The following TBC1D21 variants were observed in gnomAD, a reference collection of about 807,000 sequenced individuals.
TBC1D21 encodes the protein TBC1 domain family member 21.
In TBC1D21, 38 loss-of-function variants were observed where a neutral mutation model predicts 46.0. The observed-to-expected ratio is 0.83, with a 90% CI of 0.64 to 1.08. The LOEUF is 1.08. Among genes scored for constraint, TBC1D21 ranks in the 50% least tolerant of loss-of-function variants. The pLI is 0.00. For missense variants in TBC1D21, 415 were observed against 417.9 expected (o/e 0.99, Z 0.06); for synonymous variants, 151 against 157.2 (o/e 0.96, Z 0.29).
intron 1 of TBC1D21, 111 bp downstream of exon 1, chr15:73,873,880 G>A: frequency 7.1e-6 from 9 of 1,259,672 alleles, no homozygotes; most frequent in Non-Finnish European, 1.0e-5. Flanking sequence ...TAACATAGAA[G>A]GTGGAGCAAG....
the TBC1D21 span, among the ~76,000 whole-genome samples, chr15:73,907,352 TG>T: frequency 6.6e-6 from 1 of 152,184 alleles, no homozygotes; most frequent in East Asian, 1.9e-4. Flanking sequence ...TCATCTTTGG[TG>T]GGGTCTGCAT....
chr15:73,889,755 T>C (rs1244660501), downstream of TBC1D21, among the ~76,000 whole-genome samples: 1 of 152,246 alleles, frequency 6.6e-6, no homozygotes, highest in African/African-American at 2.4e-5. Context: ...TACATTTTAT[T>C]TTCCAGTCTT....
chr15:73,892,953 T>TTA (rs2068349150), downstream of TBC1D21, among the ~76,000 whole-genome samples: 2 of 152,260 alleles, frequency 1.3e-5, no homozygotes, highest in African/African-American at 4.8e-5. Context: ...GTGAAGCTAA[T>TTA]TATATGGCGG....
At chr15:73,898,317 G>T in the TBC1D21 span, among the ~76,000 whole-genome samples, 1 of 152,228 alleles carries the variant, frequency 6.6e-6, no homozygotes, top group Non-Finnish European at 1.5e-5. Flanking sequence ...TCAGGGCTGT[G>T]TGGGGCTGGA....
At chr15:73,899,816 G>A in the TBC1D21 span, among the ~76,000 whole-genome samples, 1 of 152,204 alleles carries the variant, frequency 6.6e-6, no homozygotes, top group African/African-American at 2.4e-5. Flanking sequence ...AGGGAAAGAT[G>A]AATGGGAAAG....
chr15:73,876,225 T>TTTTTTTTTTTTTTTTTTTTG, intron 1 of TBC1D21, among the ~76,000 whole-genome samples: 1 of 59,006 alleles, frequency 1.7e-5, no homozygotes, highest in Non-Finnish European at 3.1e-5. Flanking sequence ...TTTTTTTTTT[T>TTTTTTTTTTTTTTTTTTTTG]TTTTTTTTTT....
the TBC1D21 span, among the ~76,000 whole-genome samples, chr15:73,898,880 A>AAAAATATATATATATATATATAT: frequency 1.0e-3 from 58 of 56,718 alleles, no homozygotes; most frequent in Non-Finnish European, 1.8e-3. Flanking sequence ...AAAAAAAAAA[A>AAAAATATATATATATATATATAT]ATATATATAT....
At chr15:73,884,108 AG>A in intron 3 of TBC1D21, 42 bp from the exon 4 acceptor site, 1 of 1,413,376 alleles carries the variant, frequency 7.1e-7, no homozygotes, top group Non-Finnish European at 9.4e-7. Flanking sequence ...ACTTATCAGA[AG>A]GGGAAAAGCC....
At chr15:73,876,213 T>TG (rs1567062304) in intron 1 of TBC1D21, among the ~76,000 whole-genome samples, 1,363 of 41,976 alleles carry the variant, frequency 0.032, 76 homozygotes, top group African/African-American at 0.16. Context: ...TTTTTTTTTT[T>TG]TTTTTTTTTT....
chr15:73,899,916 C>A, the TBC1D21 span, among the ~76,000 whole-genome samples: 1 of 152,196 alleles, frequency 6.6e-6, no homozygotes, highest in East Asian at 1.9e-4. Flanking sequence ...GGATGCGGGC[C>A]TCTGTGCCAG....
chr15:73,883,173 A>G (rs1352755271), intron 3 of TBC1D21, among the ~76,000 whole-genome samples: 1 of 152,250 alleles, frequency 6.6e-6, no homozygotes. Flanking sequence ...GAGCATCCAG[A>G]CAGAATGTGG....
At position 73,886,516 on chromosome 15, in the gene TBC1D21, G is replaced by A; in HGVS notation, c.681G>A (p.Gly227=). 1 of 1,613,708 alleles carries A rather than the reference G, an allele frequency of 6.2e-7. No individual in the cohort carries two copies. The highest frequency in any genetic ancestry group is 1.3e-5 in the African/African-American group (1 of 75,044). The change falls in exon 8 of 11, where the codon GGG becomes GGA. Residue 227 remains glycine (G), a synonymous_variant. Coordinates refer to ENST00000300504, the MANE Select transcript of TBC1D21 (RefSeq NM_153356.3). The part of the protein sequence containing the change: ...LDPVFAEHLK[G]KGAGAVQSLF... ...CCTCACCTTCTCTCCCCACAGAAGG[G>A]AAGGGTGCAGGGGCTGTGCAGTCCC...
downstream of TBC1D21, chr15:73,889,364 T>C: frequency 2.0e-6 from 1 of 501,184 alleles, no homozygotes; most frequent in African/African-American, 1.9e-5. Context: ...ACTGGGTCAG[T>C]GGCTCCTCCT....
chr15:73,903,934 G>A, the TBC1D21 span, among the ~76,000 whole-genome samples: 35 of 152,314 alleles, frequency 2.3e-4, no homozygotes, highest in African/African-American at 8.4e-4. Flanking sequence ...TGTAGTCCTA[G>A]CTACACAAGA....
chr15:73,877,650 G>T (rs965524112), intron 1 of TBC1D21, among the ~76,000 whole-genome samples: 2 of 151,548 alleles, frequency 1.3e-5, no homozygotes, highest in Non-Finnish European at 1.5e-5. Flanking sequence ...TTGTGAACAT[G>T]GATGCAAAAA....
rs5813727 is a variant in TBC1D21 at position 73,879,874 on chromosome 15, C to CTGT, written c.61-1496_61-1494dup. 7.0e-3 allele frequency among the ~76,000 whole-genome samples: 1,046 copies of CTGT among 149,892 alleles called. 13 individuals carry two copies. The highest frequency in any genetic ancestry group is 0.023 in the East Asian group (117 of 5,054). On this transcript the variant is annotated intron_variant, in intron 1 of 10. Transcript: ENST00000300504. The stretch of plus-strand genomic sequence containing the variant: ...CTTATTCCAACAGGAACCCTCACTC[C>CTGT]TGTTGTTGTTGTTGTTGTTGTTGTT...
At position 73,873,575 on chromosome 15, in the gene TBC1D21, C is replaced by T. The variant is rs1448051432; in HGVS notation, c.-135C>T. 1.2e-5 allele frequency: 10 copies of T among 862,052 alleles called. No homozygotes were observed. The highest frequency in any genetic ancestry group is 1.3e-5 in the Non-Finnish European group (7 of 544,600). 53.4% of individuals were successfully genotyped at this position (862,052 alleles called of 1,614,324 possible). On this transcript the variant is annotated 5_prime_UTR_variant, in exon 1 of 11. Transcript: ENST00000300504. ...AGGGGACTTGTGACACACTGCTGGCCGGCTCTGTTCAAGTGTGGGAGGTCA... is the reference window on the plus strand; with the variant it reads ...AGGGGACTTGTGACACACTGCTGGCTGGCTCTGTTCAAGTGTGGGAGGTCA...
the TBC1D21 span, among the ~76,000 whole-genome samples, chr15:73,899,287 C>T: frequency 6.6e-6 from 1 of 152,172 alleles, no homozygotes; most frequent in African/African-American, 2.4e-5. Flanking sequence ...CAGCTGGATG[C>T]ACCCTCAATT....
intron 1 of TBC1D21, among the ~76,000 whole-genome samples, chr15:73,874,758 G>A (rs921962224): frequency 6.6e-6 from 1 of 152,180 alleles, no homozygotes; most frequent in Non-Finnish European, 1.5e-5. Flanking sequence ...CCAGAGATCT[G>A]TGTTTTTTGT....
Sources: allele counts gnomAD v4.1 joint callset (sites outside exome capture counted in the v4.1 genomes callset), GRCh38; gene constraint gnomAD v4.1.1; transcripts MANE v1.5; gene names NCBI Gene and HGNC (gene_info 2026-07-23, HGNC 2026-07-21).